The following ZNF133 variants were observed in gnomAD, a reference collection of about 807,000 sequenced individuals.
The protein encoded by ZNF133 is zinc finger protein 133.
A neutral mutation model predicts 54.9 loss-of-function variants in ZNF133; 26 were observed. The observed-to-expected ratio is 0.47, with a 90% CI of 0.35 to 0.66. The LOEUF (loss-of-function observed/expected upper bound fraction) is 0.66, where lower values mean the gene tolerates loss of function less well. ZNF133 is among the 30% of genes least tolerant of loss of function. The pLI is 0.01. For missense variants in ZNF133, 653 were observed against 820.8 expected, an observed-to-expected ratio of 0.80 and a Z score of 2.50; for synonymous variants, 298 against 320.3, an observed-to-expected ratio of 0.93 and a Z score of 0.74.
intron 6 of ZNF133, chr20:18,313,427 A>G (rs1016427724): frequency 2.0e-5 from 3 of 152,236 alleles, no homozygotes; most frequent in African/African-American, 7.2e-5. Flanking sequence ...CTTGGTTCTT[A>G]TAAGGGTGGG....
intron 3 of ZNF133, among the ~76,000 whole-genome samples, chr20:18,299,243 TAAAC>T (rs1270469540): frequency 5.3e-5 from 8 of 152,056 alleles, no homozygotes; most frequent in African/African-American, 9.7e-5. Context: ...GAAATATCAA[TAAAC>T]AGACAGAAAA....
intron 3 of ZNF133, among the ~76,000 whole-genome samples, chr20:18,300,151 C>T (rs2043072918): frequency 1.3e-5 from 2 of 152,012 alleles, no homozygotes; most frequent in African/African-American, 4.8e-5. Context: ...ATGTTTTTGA[C>T]CACACAGTGC....
rs2042622578 is a variant in ZNF133 at position 18,298,195 on chromosome 20, C to T, written c.-353-94C>T. 5 of 1,512,824 alleles carry T rather than the reference C, an allele frequency of 3.3e-6. No homozygotes were observed. The South Asian group carries it at 6.2e-5, about 19-fold the overall frequency. 93.7% of individuals were successfully genotyped at this position (1,512,824 alleles called of 1,614,324 possible). A position where few individuals can be genotyped will look rare whatever the true frequency, so the allele number is the denominator to read the frequency against. On this transcript the variant is annotated intron_variant, in intron 2 of 6. Coordinates refer to ENST00000425686, the MANE Select transcript of ZNF133 (RefSeq NM_001352452.2). ...TACTTGCTCCCCTGCCTCAGCATCA[C>T]TTTCTGCAAAACCCATGACACAGTT... is the stretch of plus-strand genomic sequence containing the variant.
In ZNF133 at chr20:18,305,018, A is replaced by G. The variant is rs1479678869; in HGVS notation, c.-167A>G. The G allele has an allele frequency of 1.0e-6, 1 of 985,266 alleles. No individual in the cohort carries two copies. Among genetic ancestry groups the G allele is most frequent in the Non-Finnish European group, 1.2e-6 (1 of 829,962 alleles). 61.0% of individuals were successfully genotyped at this position (985,266 alleles called of 1,614,324 possible). On this transcript the variant is annotated 5_prime_UTR_variant, in exon 4 of 7. Transcript: ENST00000425686. The surrounding 1 kb of genome is among the most constrained non-coding windows in gnomAD (Gnocchi z 4.7). ...TAATCTCTATTCCAGTGTGTCCTCCATTTGGAAGTAGTGCTAAGAAAATTA... is the reference window on the plus strand; with the variant it reads ...TAATCTCTATTCCAGTGTGTCCTCCGTTTGGAAGTAGTGCTAAGAAAATTA...
chr20:18,306,589 C>G (rs868536391), intron 6 of ZNF133, 196 bp downstream of exon 6: 2 of 862,770 alleles, frequency 2.3e-6, no homozygotes, highest in South Asian at 3.8e-5. Context: ...CCTGGTGTCT[C>G]GTCTCCTTCC....
chr20:18,303,378 TCAAACCA>T (rs1304112166), intron 3 of ZNF133, among the ~76,000 whole-genome samples: 2 of 152,094 alleles, frequency 1.3e-5, no homozygotes, highest in African/African-American at 4.8e-5. Context: ...ATAATACTAC[TCAAACCA>T]ATCTACAGAG....
At chr20:18,303,050 T>A (rs2043741595) in intron 3 of ZNF133, among the ~76,000 whole-genome samples, 1 of 138,714 alleles carries the variant, frequency 7.2e-6, no homozygotes. Flanking sequence ...TGGAAAACTA[T>A]TTTTTTTTTT....
At chr20:18,302,202 A>C (rs953685019) in intron 3 of ZNF133, among the ~76,000 whole-genome samples, 4 of 152,026 alleles carry the variant, frequency 2.6e-5, no homozygotes, top group African/African-American at 9.7e-5. Context: ...GGAGTTCGAG[A>C]CCAGCCTGGC....
chr20:18,296,202 A>C (rs1387578869), intron 1 of ZNF133, among the ~76,000 whole-genome samples: 3 of 152,150 alleles, frequency 2.0e-5, no homozygotes, highest in Non-Finnish European at 2.9e-5. Flanking sequence ...ACAATTATGT[A>C]TATTAAATGC....
intron 1 of ZNF133, among the ~76,000 whole-genome samples, chr20:18,289,303 AT>A (rs1647003389): frequency 6.6e-6 from 1 of 152,168 alleles, no homozygotes; most frequent in African/African-American, 2.4e-5. Context: ...GATCGCAAGA[AT>A]TACGGATTCC....
chr20:18,310,270 C>T (rs573906670), intron 6 of ZNF133: 1 of 1,532,444 alleles, frequency 6.5e-7, no homozygotes, highest in South Asian at 1.2e-5. Flanking sequence ...TCTTGGAAAC[C>T]CAAAATATAT....
intron 6 of ZNF133, among the ~76,000 whole-genome samples, chr20:18,309,443 G>T (rs539402774): frequency 4.6e-5 from 7 of 152,332 alleles, no homozygotes; most frequent in African/African-American, 1.7e-4. Context: ...CCCCAAATAA[G>T]GTCAGGAACC....
At position 18,315,106 on chromosome 20, in the gene ZNF133, C is replaced by T; in HGVS notation, c.255C>T (p.Cys85=). ...CAGAGCTCTACCTCGATCCTTTCTG[C>T]CCTCCGGGTTTCTCCAGTCAGAAAT... ...PEPELYLDPF[C]PPGFSSQKFP... is the part of the protein sequence containing the mutation. The change falls in exon 7 of 7, where the codon TGC becomes TGT. Residue 85 remains cysteine (C), a synonymous_variant. Coordinates refer to ENST00000425686, the MANE Select transcript of ZNF133 (RefSeq NM_001352452.2). 3 of 1,559,446 alleles carry T rather than the reference C, an allele frequency of 1.9e-6. No homozygotes were observed. Among genetic ancestry groups the T allele is most frequent in the Non-Finnish European group, 2.6e-6 (3 of 1,152,894 alleles).
intron 3 of ZNF133, among the ~76,000 whole-genome samples, chr20:18,300,754 C>G (rs1488791696): frequency 6.6e-6 from 1 of 151,948 alleles, no homozygotes; most frequent in African/African-American, 2.4e-5. Context: ...TTTACTACAG[C>G]AAGAAGATAT....
intron 6 of ZNF133, among the ~76,000 whole-genome samples, chr20:18,310,640 G>A (rs2045686810): frequency 6.6e-6 from 1 of 152,180 alleles, no homozygotes; most frequent in African/African-American, 2.4e-5. Flanking sequence ...TGGGGAAGAT[G>A]TTGGTCAAAG....
chr20:18,298,622 G>A (rs1345689639), intron 3 of ZNF133, among the ~76,000 whole-genome samples, 158 bp downstream of exon 3: 1 of 152,130 alleles, frequency 6.6e-6, no homozygotes, highest in Non-Finnish European at 1.5e-5. Flanking sequence ...TCCAAATATT[G>A]AGGATCTGTG....
chr20:18,290,904 A>C (rs781559771), intron 1 of ZNF133, among the ~76,000 whole-genome samples: 1 of 152,196 alleles, frequency 6.6e-6, no homozygotes, highest in Non-Finnish European at 1.5e-5. Context: ...GAGCGGGCAG[A>C]TCACCTGAGG....
chr20:18,305,291 C>A lies in ZNF133; in HGVS notation c.-7+113C>A. On this transcript the variant is annotated intron_variant, in intron 4 of 6. Coordinates refer to ENST00000425686, the MANE Select transcript of ZNF133 (RefSeq NM_001352452.2). The surrounding 1 kb of genome is among the most constrained non-coding windows in gnomAD (Gnocchi z 4.7). ...GACCATCAGGCCCGAGAAAGCCAAG[C>A]CGTAGGATTTTGAGGAATTACTGAG... 1.3e-6 allele frequency: 1 copy of A among 786,416 alleles called. No homozygotes were observed. The highest frequency in any genetic ancestry group is 1.6e-6 in the Non-Finnish European group (1 of 643,764). The allele number at this position is 786,416 out of a possible 1,614,324, so 48.7% of individuals were successfully genotyped here. A position where few individuals can be genotyped will look rare whatever the true frequency, so the allele number is the denominator to read the frequency against.
chr20:18,297,526 AT>A (rs371150448), intron 1 of ZNF133, among the ~76,000 whole-genome samples: 50 of 142,838 alleles, frequency 3.5e-4, no homozygotes, highest in East Asian at 1.0e-3. Context: ...CTGTCTCACC[AT>A]TTTTTTTTTG....
Sources: allele counts gnomAD v4.1 joint callset (sites outside exome capture counted in the v4.1 genomes callset), GRCh38; gene constraint gnomAD v4.1.1; non-coding constraint Gnocchi (gnomAD v3.1); transcripts MANE v1.5; gene names NCBI Gene and HGNC (gene_info 2026-07-23, HGNC 2026-07-21).